The following ZFAND3 variants were observed in gnomAD, a reference collection of about 807,000 sequenced individuals.
ZFAND3 encodes the protein zinc finger AN1-type containing 3.
Under a neutral mutation model 29.6 loss-of-function variants are expected in ZFAND3, and 10 were observed. That is an observed-to-expected ratio of 0.34 (90% CI 0.21 to 0.57). The LOEUF (loss-of-function observed/expected upper bound fraction) is 0.57, where lower values mean the gene tolerates loss of function less well. Ranked by LOEUF, ZFAND3 falls within the 20% of genes least tolerant of loss-of-function variation. The probability of loss-of-function intolerance (pLI) is 0.86; values close to 1 mark genes in which losing one functional copy is unlikely to be tolerated. For missense variants in ZFAND3, 230 were observed against 304.5 expected (o/e 0.76, Z 1.82); for synonymous variants, 128 against 112.6 (o/e 1.14, Z -0.87).
intron 1 of ZFAND3, among the ~76,000 whole-genome samples, chr6:37,839,370 C>T (rs554101646): frequency 4.0e-5 from 6 of 151,494 alleles, no homozygotes; most frequent in South Asian, 2.1e-4. Flanking sequence ...TTAGTAGAGA[C>T]GGGGTTTCAC....
chr6:37,993,199 A>T (rs932422401), intron 2 of ZFAND3, among the ~76,000 whole-genome samples: 1 of 152,190 alleles, frequency 6.6e-6, no homozygotes, highest in African/African-American at 2.4e-5. Context: ...AAAACAGGTT[A>T]TTTAATAGCC....
intron 2 of ZFAND3, among the ~76,000 whole-genome samples, chr6:37,931,175 T>C (rs538504765): frequency 6.6e-6 from 1 of 152,212 alleles, no homozygotes; most frequent in African/African-American, 2.4e-5. Context: ...CACTCCTGAG[T>C]TGTAGGAGTA....
chr6:37,982,294 T>C (rs1465081020), intron 2 of ZFAND3, among the ~76,000 whole-genome samples: 1 of 152,072 alleles, frequency 6.6e-6, no homozygotes, highest in Non-Finnish European at 1.5e-5. Context: ...GCTTGACTTT[T>C]TCCTTTGGCT....
At chr6:38,110,235 C>A (rs1007291654) in intron 4 of ZFAND3, among the ~76,000 whole-genome samples, 4 of 151,918 alleles carry the variant, frequency 2.6e-5, no homozygotes, top group Admixed American at 2.6e-4. Flanking sequence ...ATGTGTTACT[C>A]CAAAATTATT....
At chr6:37,839,640 G>A (rs759940781) in intron 1 of ZFAND3, among the ~76,000 whole-genome samples, 5 of 150,496 alleles carry the variant, frequency 3.3e-5, no homozygotes, top group South Asian at 2.1e-4. Context: ...TCAGCCTCCC[G>A]AGTAGCTGGG....
intron 4 of ZFAND3, among the ~76,000 whole-genome samples, chr6:38,110,432 A>C (rs1375485803): frequency 6.6e-6 from 1 of 152,222 alleles, no homozygotes; most frequent in Non-Finnish European, 1.5e-5. Context: ...AAACACAGAA[A>C]GTACCTGTAA....
At chr6:37,890,468 A>C (rs1400752777) in intron 1 of ZFAND3, among the ~76,000 whole-genome samples, 1 of 152,194 alleles carries the variant, frequency 6.6e-6, no homozygotes, top group African/African-American at 2.4e-5. Flanking sequence ...GGCTGCGAAG[A>C]AGCCCTTTAT....
chr6:38,129,537 A>T (rs1277626584), intron 5 of ZFAND3, among the ~76,000 whole-genome samples: 1 of 152,162 alleles, frequency 6.6e-6, no homozygotes, highest in Non-Finnish European at 1.5e-5. Context: ...ATTCTCCTAC[A>T]TGTGGCTAGC....
At chr6:37,919,111 G>A (rs1450771821) in intron 1 of ZFAND3, among the ~76,000 whole-genome samples, 1 of 151,880 alleles carries the variant, frequency 6.6e-6, no homozygotes, top group Non-Finnish European at 1.5e-5. Flanking sequence ...GCGCTACCAC[G>A]CCCAGCTAAT....
chr6:38,012,260 A>G (rs755660034), intron 2 of ZFAND3, among the ~76,000 whole-genome samples: 25 of 152,142 alleles, frequency 1.6e-4, no homozygotes, highest in Non-Finnish European at 3.1e-4. Flanking sequence ...TAGCAGATAA[A>G]TTTTGTATAT....
intron 5 of ZFAND3, 133 bp downstream of exon 5, chr6:38,116,872 A>G (rs1187650667): frequency 4.2e-6 from 5 of 1,177,706 alleles, no homozygotes; most frequent in East Asian, 2.6e-5. Context: ...TGCATGCGAT[A>G]TAGGTTTGGG....
intron 2 of ZFAND3, among the ~76,000 whole-genome samples, chr6:37,950,620 C>G (rs984375904): frequency 1.3e-5 from 2 of 152,062 alleles, no homozygotes; most frequent in African/African-American, 2.4e-5. Flanking sequence ...CTCAGGTGAT[C>G]CACCCACCTC....
At chr6:38,059,302 G>A (rs767054691) in intron 2 of ZFAND3, among the ~76,000 whole-genome samples, 13 of 151,804 alleles carry the variant, frequency 8.6e-5, no homozygotes, top group Admixed American at 1.3e-4. Flanking sequence ...AACAATATGC[G>A]GTATTCTTAA....
Position 37,970,917 on chromosome 6 carries a change from C to CAAA in ZFAND3, c.112+40918_112+40919insAAA, listed in dbSNP as rs1554163777. Among the ~76,000 whole-genome samples, 414 of 128,798 alleles carry CAAA rather than the reference C, an allele frequency of 3.2e-3. 9 individuals carry two copies. The South Asian group carries it at 0.061, about 19-fold the overall frequency. The allele number at this position is 128,798 out of a possible 152,430, so 84.5% of individuals were successfully genotyped here. On this transcript the variant is annotated intron_variant, in intron 2 of 5. Coordinates refer to ENST00000287218, the MANE Select transcript of ZFAND3 (RefSeq NM_021943.3). ...GAGACTCCGTCTCAAAACAAACAAA[C>CAAA]CAAACAAACAAACAAACAAACAAAA...
chr6:37,853,412 G>GAAAAAAA (rs56738009), intron 1 of ZFAND3, among the ~76,000 whole-genome samples: 8 of 65,868 alleles, frequency 1.2e-4, no homozygotes, highest in African/African-American at 3.7e-4. Flanking sequence ...TGAGCCTCAA[G>GAAAAAAA]AAAAAAAAAA....
intron 1 of ZFAND3, among the ~76,000 whole-genome samples, chr6:37,862,138 A>G (rs1405814022): frequency 1.3e-5 from 2 of 151,868 alleles, no homozygotes; most frequent in Non-Finnish European, 2.9e-5. Flanking sequence ...TTTTTATTGA[A>G]TTTTTTAATG....
intron 1 of ZFAND3, among the ~76,000 whole-genome samples, chr6:37,832,132 G>C (rs9470714): frequency 1.3e-5 from 2 of 151,968 alleles, no homozygotes; most frequent in African/African-American, 4.8e-5. Context: ...CGGTTAGCCT[G>C]TGGACCATGG....
At chr6:38,036,636 CTCA>C (rs1356495995) in intron 2 of ZFAND3, among the ~76,000 whole-genome samples, 25 of 152,092 alleles carry the variant, frequency 1.6e-4, no homozygotes, top group African/African-American at 4.1e-4. Flanking sequence ...TGATTACAGA[CTCA>C]TCAAGTAGAG....
chr6:38,092,532 T>C (rs890761619), intron 4 of ZFAND3, among the ~76,000 whole-genome samples: 5 of 152,252 alleles, frequency 3.3e-5, no homozygotes, highest in Non-Finnish European at 5.9e-5. Context: ...AGAATTATCT[T>C]CCTCGTGAAA....
Sources: allele counts gnomAD v4.1 joint callset (sites outside exome capture counted in the v4.1 genomes callset), GRCh38; gene constraint gnomAD v4.1.1; transcripts MANE v1.5; gene names NCBI Gene and HGNC (gene_info 2026-07-23, HGNC 2026-07-21).